Variants in ACACA observed in about 807,000 individuals in gnomAD.
The protein encoded by ACACA is acetyl-CoA carboxylase 1.
Under a neutral mutation model 296.1 loss-of-function variants are expected in ACACA, and 103 were observed. That is an observed-to-expected ratio of 0.35 (90% CI 0.30 to 0.41). The LOEUF (loss-of-function observed/expected upper bound fraction) is 0.41, where lower values mean the gene tolerates loss of function less well. Among genes scored for constraint, ACACA ranks in the 10% least tolerant of loss-of-function variants. The pLI is 1.00. For missense variants in ACACA, 1,554 were observed against 2,989.7 expected, an observed-to-expected ratio of 0.52 and a Z score of 11.20; for synonymous variants, 953 against 1,038.6, an observed-to-expected ratio of 0.92 and a Z score of 1.58.
chr17:37,306,524 C>T (rs1430212087), intron 3 of ACACA, among the ~76,000 whole-genome samples: 2 of 152,008 alleles, frequency 1.3e-5, no homozygotes, highest in Non-Finnish European at 2.9e-5. Context: ...TCCCAGAAGG[C>T]TTACTTGTGT....
intron 39 of ACACA, among the ~76,000 whole-genome samples, chr17:37,184,965 T>A (rs2077469422): frequency 6.6e-6 from 1 of 152,000 alleles, no homozygotes; most frequent in Non-Finnish European, 1.5e-5. Context: ...TAAAATAAGC[T>A]AGACACAAAA....
chr17:37,392,760 C>A (rs2147816963), intron 1 of ACACA: 1 of 152,184 alleles, frequency 6.6e-6, no homozygotes, highest in East Asian at 1.9e-4. Context: ...GAAAATCTCA[C>A]CCTAAGGCTC....
chr17:37,104,073 T>C (rs2073526768), intron 52 of ACACA, among the ~76,000 whole-genome samples: 1 of 152,112 alleles, frequency 6.6e-6, no homozygotes. Flanking sequence ...AGAAGAAGAA[T>C]TATCTTGGGC....
chr17:37,105,993 T>C (rs770212385), intron 52 of ACACA, among the ~76,000 whole-genome samples: 12 of 152,048 alleles, frequency 7.9e-5, no homozygotes, highest in Non-Finnish European at 1.8e-4. Context: ...TGTTAAAACA[T>C]ACTCCCATCC....
At chr17:37,252,162 C>T (rs1217886731) in intron 15 of ACACA, 54 bp from the exon 16 acceptor site, 3 of 1,423,638 alleles carry the variant, frequency 2.1e-6, no homozygotes. Flanking sequence ...GGCACCACAG[C>T]CTCTCAAATG....
At chr17:37,346,701 CAAAAAAA>C (rs1233696565) in intron 1 of ACACA, among the ~76,000 whole-genome samples, 3 of 36,706 alleles carry the variant, frequency 8.2e-5, no homozygotes, top group South Asian at 1.2e-3. Flanking sequence ...GACTCCATCT[CAAAAAAA>C]AAAAAAAAAA....
At chr17:37,215,723 C>G (rs2078951295) in intron 29 of ACACA, among the ~76,000 whole-genome samples, 1 of 152,014 alleles carries the variant, frequency 6.6e-6, no homozygotes, top group Admixed American at 6.6e-5. Flanking sequence ...TTTCCCATCA[C>G]CAGCACCAGT....
chr17:37,155,889 C>T, intron 42 of ACACA, 109 bp from the exon 43 acceptor site: 1 of 764,210 alleles, frequency 1.3e-6, no homozygotes, highest in Non-Finnish European at 2.3e-6. Flanking sequence ...TTTAAATTGC[C>T]ACATCACTTC....
chr17:37,108,537 C>T (rs1191042511), intron 52 of ACACA, among the ~76,000 whole-genome samples: 2 of 152,050 alleles, frequency 1.3e-5, no homozygotes, highest in South Asian at 2.1e-4. Context: ...TACAGGCATG[C>T]ACCACCATGC....
chr17:37,137,994 A>G lies in ACACA; in HGVS notation c.5680-7776T>C, dbSNP rs2143713325. 2.0e-5 allele frequency among the ~76,000 whole-genome samples: 3 copies of G among 152,290 alleles called. No homozygotes were observed. The South Asian group carries it at 6.2e-4, about 32-fold the overall frequency. On this transcript the variant is annotated intron_variant, in intron 45 of 55. Transcript: ENST00000616317. ...TGGGTTCTTTTCCTTACCAACACTG[A>G]TTTCTCAATTTCTTAGACGCGCATA...
At chr17:37,375,926 T>G (rs994394403) in intron 1 of ACACA, 6 of 571,666 alleles carry the variant, frequency 1.0e-5, no homozygotes, top group Non-Finnish European at 1.6e-5. Context: ...TTAGATCTAT[T>G]CCTGGGTCTT....
At chr17:37,367,243 G>T (rs2049641272) in intron 1 of ACACA, among the ~76,000 whole-genome samples, 1 of 150,112 alleles carries the variant, frequency 6.7e-6, no homozygotes, top group Non-Finnish European at 1.5e-5. Context: ...AAAAAAAGAA[G>T]AAAGAATAAA....
At position 37,260,330 on chromosome 17, in the gene ACACA, C is replaced by T. The variant is rs563474452; in HGVS notation, c.1330-800G>A. ...TTTTTTTTTTTTGGAGATGGAGTCTCGCTTTGTCACCCACCCAGGATGGAG... is the reference window on the plus strand; with the variant it reads ...TTTTTTTTTTTTGGAGATGGAGTCTTGCTTTGTCACCCACCCAGGATGGAG... On this transcript the variant is annotated intron_variant, in intron 11 of 55. Transcript: ENST00000616317. Among the ~76,000 whole-genome samples the T allele has an allele frequency of 1.6e-4, 17 of 108,988 alleles. No individual in the cohort carries two copies. In the East Asian group the frequency reaches 1.8e-3, roughly 12 times the overall value. 71.5% of individuals were successfully genotyped at this position (108,988 alleles called of 152,430 possible).
chr17:37,195,711 C>A (rs764528197), intron 35 of ACACA, among the ~76,000 whole-genome samples: 16 of 152,078 alleles, frequency 1.1e-4, no homozygotes, highest in Admixed American at 4.6e-4. Flanking sequence ...CACTCAAAAA[C>A]CACAGAATCA....
chr17:37,308,216 T>C (rs554893383), intron 3 of ACACA, among the ~76,000 whole-genome samples: 21 of 152,310 alleles, frequency 1.4e-4, no homozygotes, highest in African/African-American at 5.1e-4. Flanking sequence ...CTAAACAATT[T>C]ATGAGTCAAA....
At chr17:37,232,219 A>C (rs924977788) in intron 25 of ACACA, among the ~76,000 whole-genome samples, 12 of 152,236 alleles carry the variant, frequency 7.9e-5, no homozygotes, top group Non-Finnish European at 1.6e-4. Flanking sequence ...TGTAGGTTCA[A>C]AAGCCCCAGA....
At chr17:37,101,053 C>T (rs565558592) in intron 52 of ACACA, among the ~76,000 whole-genome samples, 2 of 147,808 alleles carry the variant, frequency 1.4e-5, no homozygotes, top group Non-Finnish European at 3.0e-5. Flanking sequence ...GTTAAGATGG[C>T]GCCACTGCAC....
chr17:37,349,606 G>C (rs1383624208), intron 1 of ACACA, among the ~76,000 whole-genome samples: 1 of 149,250 alleles, frequency 6.7e-6, no homozygotes, highest in Admixed American at 6.7e-5. Context: ...GCCCAGGCTG[G>C]AGTGCAATGG....
intron 41 of ACACA, among the ~76,000 whole-genome samples, chr17:37,171,220 C>T (rs1397973522): frequency 6.6e-6 from 1 of 152,020 alleles, no homozygotes; most frequent in Non-Finnish European, 1.5e-5. Context: ...TCTGCTAATG[C>T]CAGGAAGATG....
Sources: allele counts gnomAD v4.1 joint callset (sites outside exome capture counted in the v4.1 genomes callset), GRCh38; gene constraint gnomAD v4.1.1; transcripts MANE v1.5; gene names NCBI Gene and HGNC (gene_info 2026-07-23, HGNC 2026-07-21).